ABCA7: variants seen among roughly 807,000 people sequenced by gnomAD.
ABCA7 encodes the protein phospholipid-transporting ATPase ABCA7.
A neutral mutation model predicts 227.6 loss-of-function variants in ABCA7; 261 were observed. The ratio of observed to expected loss-of-function variants is 1.15; its 90% CI spans 1.04 to 1.27. ABCA7 has a LOEUF of 1.27. ABCA7 is among the 50% of genes most tolerant of loss of function. The probability of loss-of-function intolerance (pLI) is 0.00; values close to 1 mark genes in which losing one functional copy is unlikely to be tolerated. For missense variants in ABCA7, 3,331 were observed against 2,924.5 expected (o/e 1.14, Z -3.21); for synonymous variants, 1,488 against 1,279.7 (o/e 1.16, Z -3.47).
Position 1,058,681 on chromosome 19 carries a change from T to A in ABCA7, c.5213T>A (p.Val1738Glu), listed in dbSNP as rs144023657. The A allele has an allele frequency of 7.4e-5, 120 of 1,613,960 alleles. No homozygotes were observed. The highest frequency in any genetic ancestry group is 9.8e-5 in the Non-Finnish European group (116 of 1,180,004). Residue 1738 changes from valine to glutamate, a missense_variant, in exon 38 of 47, where the codon GTG (valine) becomes GAG (glutamate). Val to Glu is a moderately radical substitution (Grantham distance 121). Coordinates refer to ENST00000263094, the MANE Select transcript of ABCA7 (RefSeq NM_019112.4). ...GTCGGCAAGAACCTCTTGGCCATGG[T>A]GATACAGGGGCCCCTCTTCCTTCTC... is the stretch of plus-strand genomic sequence containing the variant. ...EVVGKNLLAM[V>E]IQGPLFLLFT... is the part of the protein sequence containing the mutation.
intron 6 of ABCA7, 63 bp from the exon 7 acceptor site, chr19:1,042,683 C>A: frequency 6.5e-7 from 1 of 1,527,590 alleles, no homozygotes; most frequent in Non-Finnish European, 9.1e-7. Flanking sequence ...GGGAACTGGC[C>A]AGAGCGCTGG....
intron 1 of ABCA7, 51 bp from the exon 2 acceptor site, chr19:1,041,174 G>A (rs1167888602): frequency 6.1e-6 from 4 of 651,284 alleles, no homozygotes; most frequent in Admixed American, 2.4e-5. Context: ...CCACCCCTGG[G>A]GTAGCGGAGC....
intron 22 of ABCA7, 32 bp from the exon 23 acceptor site, chr19:1,052,182 G>A: frequency 6.3e-7 from 1 of 1,595,880 alleles, no homozygotes; most frequent in East Asian, 2.3e-5. Flanking sequence ...CAGCCCTGAA[G>A]GCCAAGCCAC....
Position 1,056,149 on chromosome 19 carries a change from C to T in ABCA7, c.4322C>T (p.Ala1441Val), listed in dbSNP as rs142617105. The T allele has an allele frequency of 4.2e-5, 67 of 1,609,304 alleles. No homozygotes were observed. Among genetic ancestry groups the T allele is most frequent in the Middle Eastern group, 3.3e-4 (2 of 6,072 alleles). Residue 1441 changes from alanine to valine, a missense_variant, in exon 32 of 47, where the codon GCG (alanine) becomes GTG (valine). By Grantham distance (64) the Ala-to-Val change is moderately conservative (BLOSUM62 0). Coordinates refer to ENST00000263094, the MANE Select transcript of ABCA7 (RefSeq NM_019112.4). This position sits in a 1 kb window ranked among gnomAD's most constrained non-coding sequence, Gnocchi z 4.3. ...ELGRSVEELWALLSPLPGGAL... is the reference protein window; with the variant it reads ...ELGRSVEELWVLLSPLPGGAL... ...GGCCGCTCAGTGGAGGAGTTGTGGGCGCTGCTGAGTCCCCTGCCTGGCGGG... is the reference window on the plus strand; with the variant it reads ...GGCCGCTCAGTGGAGGAGTTGTGGGTGCTGCTGAGTCCCCTGCCTGGCGGG...
At position 1,051,547 on chromosome 19, in the gene ABCA7, C is replaced by T. The variant is rs576170130; in HGVS notation, c.2923C>T (p.Arg975Cys). ...EPTAGVDPAS[R>C]RGIWELLLKY... ...TACGGCTGGCGTGGATCCTGCTTCCCGCCGCGGTATTTGGGAGCTGCTGCT... is the reference window on the plus strand; with the variant it reads ...TACGGCTGGCGTGGATCCTGCTTCCTGCCGCGGTATTTGGGAGCTGCTGCT... The change falls in exon 21 of 47, where the codon CGC (arginine) becomes TGC (cysteine). Residue 975 changes from arginine (R) to cysteine (C), a missense_variant. Coordinates refer to ENST00000263094, the MANE Select transcript of ABCA7 (RefSeq NM_019112.4). 179 of 1,612,578 alleles carry T rather than the reference C, an allele frequency of 1.1e-4. 1 individual carries two copies. The East Asian group carries it at 2.0e-3, about 18-fold the overall frequency.
rs1416215529 is a variant in ABCA7 at position 1,042,376 on chromosome 19, G to A, written c.477G>A (p.Leu159=). 4 of 1,606,886 alleles carry A rather than the reference G, an allele frequency of 2.5e-6. No individual in the cohort carries two copies. Among genetic ancestry groups the A allele is most frequent in the Non-Finnish European group, 3.4e-6 (4 of 1,175,234 alleles). The change falls in exon 6 of 47, where the codon CTG becomes CTA. Residue 159 remains leucine (L), a synonymous_variant. Coordinates refer to ENST00000263094, the MANE Select transcript of ABCA7 (RefSeq NM_019112.4). ...CACCCATGCTGGATGTCGCGGAGCT[G>A]CTGACGTCACTGCTGCGCACGGTAG... ...LEPPMLDVAE[L]LTSLLRTESL... is the part of the protein sequence containing the mutation.
chr19:1,057,142 G>C, intron 34 of ABCA7, 58 bp downstream of exon 34: 3 of 1,578,442 alleles, frequency 1.9e-6, no homozygotes, highest in Non-Finnish European at 2.6e-6. Flanking sequence ...TGCCCTGTCT[G>C]GCCCCTTGTA....
intron 6 of ABCA7, 42 bp downstream of exon 6, chr19:1,042,439 T>A (rs776867096): frequency 1.2e-6 from 2 of 1,605,924 alleles, no homozygotes; most frequent in Non-Finnish European, 1.7e-6. Flanking sequence ...CCTGGGACAC[T>A]GCACTGGGGA....
At position 1,063,635 on chromosome 19, in the gene ABCA7, C is replaced by G; in HGVS notation, c.5804C>G (p.Ala1935Gly). 3 of 1,610,832 alleles carry G rather than the reference C, an allele frequency of 1.9e-6. No homozygotes were observed. The highest frequency in any genetic ancestry group is 2.2e-5 in the East Asian group (1 of 44,848). Residue 1935 changes from alanine (A) to glycine (G), a missense_variant, in exon 43 of 47, where the codon GCG (alanine) becomes GGG (glycine). Transcript: ENST00000263094. ...TYSGGNKRKL[A>G]TALALVGDPA... Reference sequence around the variant, plus strand: ...AGCGGAGGGAACAAACGCAAGCTGGCGACGGCCCTGGCGCTGGTTGGGGAC... The same window carrying G: ...AGCGGAGGGAACAAACGCAAGCTGGGGACGGCCCTGGCGCTGGTTGGGGAC...
At position 1,062,138 on chromosome 19, in the gene ABCA7, C is replaced by T. The variant is rs146839965; in HGVS notation, c.5571-34C>T. The T allele has an allele frequency of 8.4e-4, 1,349 of 1,607,796 alleles. 11 individuals carry two copies. In the African/African-American group the frequency reaches 0.016, roughly 20 times the overall value. ...GCCACCAGTATGGTCAGGGACTAGC[C>T]AGCTCTCTGAGCCCCCGGCGCCCCC... On this transcript the variant is annotated intron_variant, in intron 41 of 46. Coordinates refer to ENST00000263094, the MANE Select transcript of ABCA7 (RefSeq NM_019112.4).
intron 35 of ABCA7, among the ~76,000 whole-genome samples, 153 bp downstream of exon 35, chr19:1,057,582 A>G (rs930186643): frequency 6.6e-6 from 1 of 152,140 alleles, no homozygotes; most frequent in East Asian, 1.9e-4. Flanking sequence ...TGGTGTGCCA[A>G]GGTGGCCTTA....
Position 1,046,275 on chromosome 19 carries a change from C to CTA in ABCA7, c.1492_1493dup (p.Val499ThrfsTer49). 1 of 1,606,970 alleles carries CTA rather than the reference C, an allele frequency of 6.2e-7. No homozygotes were observed. Among genetic ancestry groups the CTA allele is most frequent in the South Asian group, 1.1e-5 (1 of 91,066 alleles). ...CCGCGGACCCCCTGACCGACCTGCG[C>CTA]TACGTGTGGGGCGGCTTCGTGTACC... On this transcript the variant is annotated frameshift_variant, in exon 13 of 47. Transcript: ENST00000263094. LOFTEE classifies it high-confidence loss of function.
chr19:1,050,950 G>C lies in ABCA7; in HGVS notation c.2582G>C (p.Ser861Thr). Residue 861 changes from serine to threonine, a missense_variant, in exon 19 of 47, where the codon AGT becomes ACT. Ser to Thr is a moderately conservative substitution (Grantham distance 58). Coordinates refer to ENST00000263094, the MANE Select transcript of ABCA7 (RefSeq NM_019112.4). ...LSILSGLFPP[S>T]GGSAFILGHD... is the part of the protein sequence containing the mutation. ...ATCTTGAGTGGCCTCTTCCCACCCA[G>C]TGGTGGCTCTGCCTTCATCCTGGGC... The C allele has an allele frequency of 1.9e-6, 3 of 1,611,400 alleles. No individual in the cohort carries two copies. The highest frequency in any genetic ancestry group is 2.5e-6 in the Non-Finnish European group (3 of 1,179,178).
At chr19:1,043,672 C>A in intron 9 of ABCA7, 53 bp from the exon 10 acceptor site, 1 of 1,579,740 alleles carries the variant, frequency 6.3e-7, no homozygotes, top group Non-Finnish European at 8.7e-7. Flanking sequence ...AGGGGGTGGG[C>A]AGGGGTCCTC....
rs1440291427 is a variant in ABCA7, at chr19:1,047,396, C to T, written c.2067+18C>T. 1.3e-6 allele frequency: 2 copies of T among 1,556,046 alleles called. No individual in the cohort carries two copies. Among genetic ancestry groups the T allele is most frequent in the African/African-American group, 1.4e-5 (1 of 73,464 alleles). On this transcript the variant is annotated intron_variant, in intron 15 of 46. Coordinates refer to ENST00000263094, the MANE Select transcript of ABCA7 (RefSeq NM_019112.4). Reference sequence around the variant, plus strand: ...TGGCCGCGGTGAGAGCCGGGTCGGGCGTGGATGGGGGACGCCCCCCGCTTC... The same window carrying T: ...TGGCCGCGGTGAGAGCCGGGTCGGGTGTGGATGGGGGACGCCCCCCGCTTC...
At chr19:1,055,684 GT>G (rs1568375123) in intron 30 of ABCA7, among the ~76,000 whole-genome samples, 2 of 151,904 alleles carry the variant, frequency 1.3e-5, no homozygotes, top group Non-Finnish European at 2.9e-5. Flanking sequence ...TGTATTTTTA[GT>G]AGAGATGGGG....
intron 6 of ABCA7, 132 bp downstream of exon 6, chr19:1,042,529 T>C: frequency 8.2e-7 from 1 of 1,224,580 alleles, no homozygotes; most frequent in Non-Finnish European, 1.2e-6. Flanking sequence ...GCGGTGATGC[T>C]GCTTGTCCGT....
At position 1,052,007 on chromosome 19, in the gene ABCA7, G is replaced by T; in HGVS notation, c.3028G>T (p.Val1010Leu). 6.2e-7 allele frequency: 1 copy of T among 1,612,174 alleles called. No individual in the cohort carries two copies. The stretch of plus-strand genomic sequence containing the variant: ...AGAGCTGCTGGGAGACCGTGTGGCC[G>T]TGGTGGCAGGTGGCCGCTTGTGCTG... Reference protein sequence around the residue: ...EAELLGDRVAVVAGGRLCCCG... With the variant: ...EAELLGDRVALVAGGRLCCCG... The change falls in exon 22 of 47, where the codon GTG becomes TTG. Residue 1010 changes from valine (V) to leucine (L), a missense_variant. Transcript: ENST00000263094.
At position 1,043,385 on chromosome 19, in the gene ABCA7, G is replaced by A. The variant is rs375028339; in HGVS notation, c.842G>A (p.Arg281His). ...IGALDSHPLS[R>H]LLWRRLKPLI... ...GCCCTGGACAGCCACCCGCTGTCCC[G>A]CCTGCTCTGGAGACGCCTGAAGCCT... The change falls in exon 9 of 47, where the codon CGC (arginine) becomes CAC (histidine). Residue 281 changes from arginine (R) to histidine (H), a missense_variant. Coordinates refer to ENST00000263094, the MANE Select transcript of ABCA7 (RefSeq NM_019112.4). The A allele has an allele frequency of 1.4e-5, 22 of 1,613,138 alleles. No individual in the cohort carries two copies. The highest frequency in any genetic ancestry group is 4.4e-5 in the South Asian group (4 of 91,094).
Sources: gnomAD v4.1 joint callset for allele counts (sites outside exome capture counted in the v4.1 genomes callset) on GRCh38, gnomAD v4.1.1 for gene constraint, Gnocchi (gnomAD v3.1) non-coding constraint, MANE v1.5 for transcripts, NCBI Gene and HGNC (gene_info 2026-07-23, HGNC 2026-07-21) for gene names.